ADGRE3: variants seen among roughly 807,000 people sequenced by gnomAD.
ADGRE3 encodes adhesion G protein-coupled receptor E3.
Under a neutral mutation model 80.1 loss-of-function variants are expected in ADGRE3, and 88 were observed. That is an observed-to-expected ratio of 1.10 (90% CI 0.93 to 1.31). ADGRE3 has a LOEUF of 1.31. Among genes scored for constraint, ADGRE3 ranks in the 40% most tolerant of loss-of-function variants. The pLI, the probability that ADGRE3 is intolerant of heterozygous loss-of-function variation, is 0.00. For missense variants in ADGRE3, 715 were observed against 776.5 expected, an observed-to-expected ratio of 0.92 and a Z score of 0.94; for synonymous variants, 281 against 294.8, an observed-to-expected ratio of 0.95 and a Z score of 0.48.
At chr19:14,636,106 C>CTT (rs1236326861) in intron 11 of ADGRE3, among the ~76,000 whole-genome samples, 2 of 36,626 alleles carry the variant, frequency 5.5e-5, no homozygotes, top group Non-Finnish European at 1.1e-4. Context: ...TTCTTTCTTT[C>CTT]TTTCTTTCTT....
At chr19:14,668,897 G>A in intron 1 of ADGRE3, 45 bp from the exon 2 acceptor site, 1 of 1,577,280 alleles carries the variant, frequency 6.3e-7, no homozygotes, top group South Asian at 1.1e-5. Context: ...AAACAATTGA[G>A]GAGAGATTCC....
In ADGRE3 at chr19:14,663,514, C is replaced by T. The variant is rs753506465; in HGVS notation, c.103G>A (p.Ala35Thr). The T allele has an allele frequency of 1.9e-6, 3 of 1,613,200 alleles. No homozygotes were observed. The highest frequency in any genetic ancestry group is 8.5e-7 in the Non-Finnish European group (1 of 1,179,416). Reference sequence around the variant, plus strand: ...CAGTGAGTGTTATTGACACAGGAAGCATTTGGGGGGCACTTAGCACAGGAA... The same window carrying T: ...CAGTGAGTGTTATTGACACAGGAAGTATTTGGGGGGCACTTAGCACAGGAA... ...KTSCAKCPPN[A>T]SCVNNTHCTC... The change falls in exon 3 of 16, where the codon GCT (alanine) becomes ACT (threonine). Residue 35 changes from alanine to threonine, a missense_variant. Coordinates refer to ENST00000253673, the MANE Select transcript of ADGRE3 (RefSeq NM_032571.5).
At chr19:14,631,707 A>C (rs1270005440) in intron 13 of ADGRE3, among the ~76,000 whole-genome samples, 1 of 152,008 alleles carries the variant, frequency 6.6e-6, no homozygotes, top group African/African-American at 2.4e-5. Flanking sequence ...ATTATTAAGG[A>C]TATTACATCA....
intron 15 of ADGRE3, among the ~76,000 whole-genome samples, chr19:14,620,569 T>TATA (rs1427819287): frequency 0.022 from 162 of 7,522 alleles, 17 homozygotes; most frequent in South Asian, 0.036. Context: ...TATATATATA[T>TATA]TTTTTTTTTT....
In ADGRE3 at chr19:14,656,570, G is replaced by A. The variant is rs116262730; in HGVS notation, c.394-1405C>T. On this transcript the variant is annotated intron_variant, in intron 5 of 15. Transcript: ENST00000253673. ...AGGTGCGACATTTACTTACTGCTCG[G>A]GGAAGGCTGGTTGCCCTACCCACTT... Among the ~76,000 whole-genome samples, 962 of 152,138 alleles carry A rather than the reference G, an allele frequency of 6.3e-3. 10 individuals carry two copies. Among genetic ancestry groups the A allele is most frequent in the African/African-American group, 0.022 (920 of 41,504 alleles).
downstream of ADGRE3, among the ~76,000 whole-genome samples, chr19:14,617,381 T>TCTTTCTTTCTTC (rs2075087681): frequency 1.5e-5 from 2 of 131,010 alleles, no homozygotes; most frequent in South Asian, 5.4e-4. Flanking sequence ...TTTCTTCCTT[T>TCTTTCTTTCTTC]CTTTCTTTCT....
intron 13 of ADGRE3, among the ~76,000 whole-genome samples, chr19:14,632,518 G>T (rs1435790004): frequency 6.6e-6 from 1 of 152,078 alleles, no homozygotes; most frequent in Non-Finnish European, 1.5e-5. Flanking sequence ...AGCAAATGTG[G>T]CAACTGCAAC....
At position 14,638,305 on chromosome 19, in the gene ADGRE3, A is replaced by G; in HGVS notation, c.1284T>C (p.Tyr428=). Residue 428 remains tyrosine (Y), a synonymous_variant, in exon 11 of 16, where the codon TAT becomes TAC. Coordinates refer to ENST00000253673, the MANE Select transcript of ADGRE3 (RefSeq NM_032571.5). ...LCSIIAGALH[Y]LYLAAFTWML... is the part of the protein sequence containing the mutation. ...TCCAGGTGAAGGCGGCCAGGTAGAG[A>G]TAGTGCAAAGCACCGGCGATGATGG... The G allele has an allele frequency of 6.2e-7, 1 of 1,614,162 alleles. No individual in the cohort carries two copies.
At chr19:14,670,173 CAGTT>C (rs1174988034) in intron 1 of ADGRE3, among the ~76,000 whole-genome samples, 1 of 152,144 alleles carries the variant, frequency 6.6e-6, no homozygotes, top group Non-Finnish European at 1.5e-5. Flanking sequence ...TGATTATAGT[CAGTT>C]AGTGGATGGG....
At chr19:14,671,764 C>T (rs528490691) in intron 1 of ADGRE3, among the ~76,000 whole-genome samples, 1 of 152,142 alleles carries the variant, frequency 6.6e-6, no homozygotes, top group South Asian at 2.1e-4. Context: ...CCTTTAAAGT[C>T]CCCTTCCTTC....
At position 14,621,457 on chromosome 19, in the gene ADGRE3, A is replaced by T. The variant is rs574644498; in HGVS notation, c.1921-1986T>A. ...GTGATAGAGTGAGACTCTGTCTCAG[A>T]AAAAAAAAAAAGTGAAAAGAAAAGA... On this transcript the variant is annotated intron_variant, in intron 15 of 15. Coordinates refer to ENST00000253673, the MANE Select transcript of ADGRE3 (RefSeq NM_032571.5). Among the ~76,000 whole-genome samples, 428 of 141,334 alleles carry T rather than the reference A, an allele frequency of 3.0e-3. 3 individuals are homozygous for T. Among genetic ancestry groups the T allele is most frequent in the African/African-American group, 0.012 (412 of 35,730 alleles). 92.7% of individuals were successfully genotyped at this position (141,334 alleles called of 152,430 possible). A position where few individuals can be genotyped will look rare whatever the true frequency, so the allele number is the denominator to read the frequency against.
chr19:14,630,208 C>G lies in ADGRE3; in HGVS notation c.1644-1G>C, dbSNP rs1366609945. Reference sequence around the variant, plus strand: ...AGCTGTTGCTTTGAAAGCCAGCATCCTGGGAGGAGGAAGTCAGAGATTAGG... The same window carrying G: ...AGCTGTTGCTTTGAAAGCCAGCATCGTGGGAGGAGGAAGTCAGAGATTAGG... On this transcript the variant is annotated splice_acceptor_variant, in intron 13 of 15. Coordinates refer to ENST00000253673, the MANE Select transcript of ADGRE3 (RefSeq NM_032571.5). LOFTEE classifies it high-confidence loss of function. 2 of 1,597,224 alleles carry G rather than the reference C, an allele frequency of 1.3e-6. No individual in the cohort carries two copies. The highest frequency in any genetic ancestry group is 1.3e-5 in the African/African-American group (1 of 74,364).
chr19:14,619,631 G>T (rs1970477241), intron 15 of ADGRE3, among the ~76,000 whole-genome samples, 160 bp from the exon 16 acceptor site: 1 of 152,226 alleles, frequency 6.6e-6, no homozygotes, highest in South Asian at 2.1e-4. Flanking sequence ...TAGGGCAGAT[G>T]TGGTCTTCTT....
intron 9 of ADGRE3, among the ~76,000 whole-genome samples, chr19:14,641,980 A>G (rs1397338342): frequency 6.6e-6 from 1 of 152,146 alleles, no homozygotes; most frequent in African/African-American, 2.4e-5. Context: ...GTTTGGACAT[A>G]TGATTTTTTT....
At chr19:14,620,176 T>C (rs1044752434) in intron 15 of ADGRE3, among the ~76,000 whole-genome samples, 4 of 151,998 alleles carry the variant, frequency 2.6e-5, no homozygotes, top group African/African-American at 9.7e-5. Context: ...AGAAAGAGTT[T>C]CATTAGCTTT....
rs879343313 is a variant in ADGRE3 at position 14,635,272 on chromosome 19, AT to A, written c.1485-1971del. 1.4e-3 allele frequency among the ~76,000 whole-genome samples: 202 copies of A among 144,658 alleles called. 2 individuals are homozygous for A. The highest frequency in any genetic ancestry group is 2.4e-3 in the African/African-American group (97 of 39,756). The allele number at this position is 144,658 out of a possible 152,430, so 94.9% of individuals were successfully genotyped here. The stretch of plus-strand genomic sequence containing the variant: ...CCACCGTGTCCAGCTAATTAAAACA[AT>A]TTTTTTTTTTTGGTAGAGATGGGGT... On this transcript the variant is annotated intron_variant, in intron 11 of 15. Coordinates refer to ENST00000253673, the MANE Select transcript of ADGRE3 (RefSeq NM_032571.5).
At chr19:14,647,061 A>G in intron 8 of ADGRE3, 120 bp downstream of exon 8, 1 of 688,760 alleles carries the variant, frequency 1.5e-6, no homozygotes, top group South Asian at 2.1e-5. Flanking sequence ...CAATAGCGAC[A>G]GGTGCTCCTG....
the ADGRE3 span, among the ~76,000 whole-genome samples, chr19:14,604,110 G>A: frequency 6.6e-6 from 1 of 152,150 alleles, no homozygotes; most frequent in Admixed American, 6.6e-5. Context: ...AAGACACTGT[G>A]AGGCCTTCTA....
Position 14,665,041 on chromosome 19 carries a change from T to C in ADGRE3, c.77-1501A>G, listed in dbSNP as rs564142336. 4.6e-5 allele frequency among the ~76,000 whole-genome samples: 7 copies of C among 150,902 alleles called. No homozygotes were observed. The East Asian group carries it at 1.2e-3, about 25-fold the overall frequency. ...TGAGAATTTTTTCCACAGCTTCACA[T>C]GTGGAGCAACCTCATTTTTTTTTTT... On this transcript the variant is annotated intron_variant, in intron 2 of 15. Coordinates refer to ENST00000253673, the MANE Select transcript of ADGRE3 (RefSeq NM_032571.5).
Sources: allele counts gnomAD v4.1 joint callset (sites outside exome capture counted in the v4.1 genomes callset), GRCh38; gene constraint gnomAD v4.1.1; transcripts MANE v1.5; gene names NCBI Gene and HGNC (gene_info 2026-07-23, HGNC 2026-07-21).